The following PRDM10 variants were observed in gnomAD, a reference collection of about 807,000 sequenced individuals.
The protein encoded by PRDM10 is PR domain zinc finger protein 10.
In PRDM10, 65 loss-of-function variants were observed where a neutral mutation model predicts 133.1. The observed-to-expected ratio is 0.49, with a 90% confidence interval of 0.40 to 0.60. PRDM10 has a LOEUF of 0.60. Among genes scored for constraint, PRDM10 ranks in the 20% least tolerant of loss-of-function variants. The pLI is 0.00. For synonymous variants in PRDM10, 582 were observed against 580.4 expected (o/e 1.00, Z -0.04); for missense variants, 1,137 against 1,507.1 (o/e 0.75, Z 4.07).
At chr11:129,989,866 T>C (rs1938635149) in intron 1 of PRDM10, among the ~76,000 whole-genome samples, 2 of 152,174 alleles carry the variant, frequency 1.3e-5, no homozygotes, top group Non-Finnish European at 2.9e-5. Context: ...ACATACAGTC[T>C]TTAGTTCAAA....
chr11:129,952,977 T>C (rs922796035), intron 4 of PRDM10, among the ~76,000 whole-genome samples: 1 of 151,868 alleles, frequency 6.6e-6, no homozygotes, highest in African/African-American at 2.4e-5. Flanking sequence ...TTAAAATTAG[T>C]CTTTTTTTTT....
At chr11:129,957,308 G>C (rs1299620561) in intron 3 of PRDM10, among the ~76,000 whole-genome samples, 1 of 152,118 alleles carries the variant, frequency 6.6e-6, no homozygotes, top group Non-Finnish European at 1.5e-5. Flanking sequence ...TTGGTTACAA[G>C]CTCCTTGAGA....
rs199679325 is a variant in PRDM10, at chr11:129,947,111, A to C, written c.520+34T>G. 239 of 1,608,318 alleles carry C rather than the reference A, an allele frequency of 1.5e-4. 2 individuals are homozygous for C. In the East Asian group the frequency reaches 5.3e-3, roughly 36 times the overall value. On this transcript the variant is annotated intron_variant, in intron 5 of 20. Transcript: ENST00000360871. This position sits in a 1 kb window ranked among gnomAD's most constrained non-coding sequence, Gnocchi z 4.6. ...GTACACAGACACACAAGATGGACAC[A>C]GCTTCCCTGGGGGAGACCCGTGCCC...
At position 129,954,118 on chromosome 11, in the gene PRDM10, G is replaced by A. The variant is rs950257468; in HGVS notation, c.294+1394C>T. On this transcript the variant is annotated intron_variant, in intron 4 of 20. Coordinates refer to ENST00000360871, the MANE Select transcript of PRDM10 (RefSeq NM_199437.2). ...TTTAACCCCAACTTATACAAAAAAGGCTCCTAACAAACTTCTCTATATTTC... is the reference window on the plus strand; with the variant it reads ...TTTAACCCCAACTTATACAAAAAAGACTCCTAACAAACTTCTCTATATTTC... 4.0e-5 allele frequency among the ~76,000 whole-genome samples: 6 copies of A among 150,788 alleles called. No homozygotes were observed. In the South Asian group the frequency reaches 8.3e-4, roughly 21 times the overall value.
At chr11:129,904,779 C>T (rs1949960922) in intron 20 of PRDM10, among the ~76,000 whole-genome samples, 1 of 152,136 alleles carries the variant, frequency 6.6e-6, no homozygotes, top group African/African-American at 2.4e-5. Context: ...GGATTATAGG[C>T]GTGAGCCACT....
intron 1 of PRDM10, among the ~76,000 whole-genome samples, chr11:130,001,669 G>A (rs1026586835): frequency 6.6e-6 from 1 of 152,230 alleles, no homozygotes; most frequent in African/African-American, 2.4e-5. Context: ...CTGCGTTCGC[G>A]TGGCTGGAGG....
Position 129,923,437 on chromosome 11 carries a change from C to A in PRDM10, c.1879-34G>T. The A allele has an allele frequency of 6.3e-7, 1 of 1,580,726 alleles. No individual in the cohort carries two copies. On this transcript the variant is annotated intron_variant, in intron 12 of 20. Coordinates refer to ENST00000360871, the MANE Select transcript of PRDM10 (RefSeq NM_199437.2). The surrounding 1 kb of genome is among the most constrained non-coding windows in gnomAD (Gnocchi z 4.4). ...AAGAACCACAGGAAAATTCAGGGGA[C>A]GCAGGCACCAAATGAAATGACCAAA...
chr11:129,961,907 TGAG>T (rs1013026662), intron 1 of PRDM10, among the ~76,000 whole-genome samples: 1 of 152,130 alleles, frequency 6.6e-6, no homozygotes, highest in Non-Finnish European at 1.5e-5. Context: ...TTAGTTGTCG[TGAG>T]GAGAATGAGT....
intron 13 of PRDM10, among the ~76,000 whole-genome samples, chr11:129,921,557 A>G (rs1217023736): frequency 6.6e-6 from 1 of 152,228 alleles, no homozygotes; most frequent in African/African-American, 2.4e-5. Context: ...AGAGTTTTTC[A>G]GAAAGGACAT....
intron 13 of PRDM10, among the ~76,000 whole-genome samples, chr11:129,919,157 G>C (rs1364190783): frequency 2.0e-5 from 3 of 152,186 alleles, no homozygotes; most frequent in Non-Finnish European, 2.9e-5. Flanking sequence ...GATCACCTGA[G>C]GTCAGGAGTT....
intron 1 of PRDM10, among the ~76,000 whole-genome samples, chr11:129,988,723 A>G (rs954348119): frequency 9.9e-5 from 15 of 151,866 alleles, no homozygotes; most frequent in South Asian, 4.2e-4. Flanking sequence ...TCTGCCTCCC[A>G]GGTTCACGCC....
chr11:129,933,436 T>A (rs1369894232), intron 9 of PRDM10, among the ~76,000 whole-genome samples: 1 of 152,226 alleles, frequency 6.6e-6, no homozygotes, highest in African/African-American at 2.4e-5. Flanking sequence ...CATCTCTAGA[T>A]ATCTTGGCAT....
intron 11 of PRDM10, 96 bp downstream of exon 11, chr11:129,930,920 G>C: frequency 1.4e-6 from 2 of 1,475,304 alleles, no homozygotes; most frequent in Non-Finnish European, 9.0e-7. Context: ...CAAGATTTCA[G>C]AGAGGAAGGT....
chr11:129,918,425 A>C lies in PRDM10; in HGVS notation c.2214+114T>G. On this transcript the variant is annotated intron_variant, in intron 14 of 20. Coordinates refer to ENST00000360871, the MANE Select transcript of PRDM10 (RefSeq NM_199437.2). The surrounding 1 kb of genome is among the most constrained non-coding windows in gnomAD (Gnocchi z 5.3). ...CCTCTGTTTCTTCCCCTGGACATTG[A>C]CAAAACCATTGATCGATATAACTTA... 1 of 1,285,924 alleles carries C rather than the reference A, an allele frequency of 7.8e-7. No individual in the cohort carries two copies. The highest frequency in any genetic ancestry group is 1.0e-6 in the Non-Finnish European group (1 of 975,098). The allele number at this position is 1,285,924 out of a possible 1,614,324, so 79.7% of individuals were successfully genotyped here.
chr11:129,951,471 G>C (rs1214462974), intron 4 of PRDM10, among the ~76,000 whole-genome samples: 1 of 152,218 alleles, frequency 6.6e-6, no homozygotes, highest in Non-Finnish European at 1.5e-5. Flanking sequence ...GTTTCACTTA[G>C]AGGAAAGGAG....
At chr11:130,002,536 C>T (rs1240499583) in intron 1 of PRDM10, among the ~76,000 whole-genome samples, 186 bp downstream of exon 1, 8 of 152,060 alleles carry the variant, frequency 5.3e-5, no homozygotes, top group Non-Finnish European at 8.8e-5. Context: ...ATTTCTCCCC[C>T]CCACCACCAC....
intron 1 of PRDM10, among the ~76,000 whole-genome samples, chr11:129,988,838 C>T (rs1459026026): frequency 2.0e-5 from 3 of 151,844 alleles, no homozygotes; most frequent in Admixed American, 2.0e-4. Flanking sequence ...ACCGTGTTAG[C>T]CAGGATGGTC....
chr11:129,916,414 G>A (rs1240347590), intron 15 of PRDM10, among the ~76,000 whole-genome samples: 1 of 152,228 alleles, frequency 6.6e-6, no homozygotes, highest in Non-Finnish European at 1.5e-5. Flanking sequence ...TTGGGAGGCC[G>A]AGGCGGGCGA....
chr11:129,972,795 T>C (rs1281570935), intron 1 of PRDM10, among the ~76,000 whole-genome samples: 1 of 152,210 alleles, frequency 6.6e-6, no homozygotes, highest in Non-Finnish European at 1.5e-5. Context: ...GAAACAGTCC[T>C]GCACTCTGTA....
Sources: gnomAD v4.1 joint callset for allele counts (sites outside exome capture counted in the v4.1 genomes callset) on GRCh38, gnomAD v4.1.1 for gene constraint, Gnocchi (gnomAD v3.1) non-coding constraint, MANE v1.5 for transcripts, NCBI Gene and HGNC (gene_info 2026-07-23, HGNC 2026-07-21) for gene names.